The following HERC2 variants were observed in gnomAD, a reference collection of about 807,000 sequenced individuals.
HERC2 encodes the protein E3 ubiquitin-protein ligase HERC2.
A neutral mutation model predicts 537.7 loss-of-function variants in HERC2; 102 were observed. The observed-to-expected ratio is 0.19, with a 90% CI of 0.16 to 0.22. The LOEUF (loss-of-function observed/expected upper bound fraction) is 0.22. HERC2 is among the 10% of genes least tolerant of loss of function. The pLI, the probability that HERC2 is intolerant of heterozygous loss-of-function variation, is 1.00. For synonymous variants in HERC2, 2,224 were observed against 2,466.2 expected, an observed-to-expected ratio of 0.90 and a Z score of 2.91; for missense variants, 4,236 against 6,198.2, an observed-to-expected ratio of 0.68 and a Z score of 10.63.
rs138924365 is a variant in HERC2, at chr15:28,282,997, G to A, written c.323-2710C>T. Among the ~76,000 whole-genome samples, 542 of 143,228 alleles carry A rather than the reference G, an allele frequency of 3.8e-3. 5 individuals carry two copies. Among genetic ancestry groups the A allele is most frequent in the African/African-American group, 0.013 (511 of 38,232 alleles). 94.0% of individuals were successfully genotyped at this position (143,228 alleles called of 152,430 possible). A position where few individuals can be genotyped will look rare whatever the true frequency, so the allele number is the denominator to read the frequency against. ...GGGACGGGACGGGACTGGATGGGAC[G>A]GGATGGGAAGGGAAGAGAGAAAGAA... On this transcript the variant is annotated intron_variant, in intron 4 of 92. Coordinates refer to ENST00000261609, the MANE Select transcript of HERC2 (RefSeq NM_004667.6).
intron 83 of HERC2, among the ~76,000 whole-genome samples, chr15:28,126,643 C>T (rs930570681): frequency 5.9e-5 from 9 of 152,100 alleles, no homozygotes; most frequent in Non-Finnish European, 1.2e-4. Flanking sequence ...GAAAACCAAA[C>T]CATATGTTCT....
At chr15:28,316,825 G>A (rs1368981603) in intron 2 of HERC2, among the ~76,000 whole-genome samples, 8 of 152,190 alleles carry the variant, frequency 5.3e-5, no homozygotes, top group Non-Finnish European at 8.8e-5. Context: ...TCACCAGGCT[G>A]TAGTGCAGTG....
intron 23 of HERC2, among the ~76,000 whole-genome samples, chr15:28,245,606 G>GATATATAT: frequency 7.7e-6 from 1 of 129,064 alleles, no homozygotes; most frequent in Admixed American, 8.2e-5. Context: ...CACACACACA[G>GATATATAT]ATATATATAT....
chr15:28,225,567 G>A (rs1305357363), intron 35 of HERC2, among the ~76,000 whole-genome samples: 6 of 151,400 alleles, frequency 4.0e-5, no homozygotes, highest in Admixed American at 2.0e-4. Context: ...GCGTGGTGGC[G>A]CGTGCCTGTA....
At chr15:28,203,825 C>T (rs983827631) in intron 45 of HERC2, 1 of 151,880 alleles carries the variant, frequency 6.6e-6, no homozygotes, top group Admixed American at 6.6e-5. Flanking sequence ...CACTGAAGAG[C>T]CTGCGCTCGG....
chr15:28,117,869 C>T (rs368331622), intron 86 of HERC2: 6 of 307,628 alleles, frequency 2.0e-5, no homozygotes, highest in Middle Eastern at 1.1e-3. Flanking sequence ...CTCGGCACAT[C>T]GGAGGGCAGG....
Position 28,256,093 on chromosome 15 carries a change from G to A in HERC2, c.2742C>T (p.Cys914=), listed in dbSNP as rs760094386. ...RARALSALLP[C]AVSGNEVNIS... is the part of the protein sequence containing the mutation. ...CTGTTCCTTCCCCAGGCCCACCTGC[G>A]CAGGGCAGGAGAGCAGAGAGTGCCC... The change falls in exon 18 of 93, where the codon TGC becomes TGT. Residue 914 remains cysteine (C), a synonymous_variant. Transcript: ENST00000261609. The A allele has an allele frequency of 2.6e-4, 421 of 1,603,292 alleles. No homozygotes were observed. The highest frequency in any genetic ancestry group is 3.2e-4 in the Non-Finnish European group (375 of 1,179,068).
At chr15:28,233,372 A>C in intron 29 of HERC2, 31 bp from the exon 30 acceptor site, 2 of 1,286,978 alleles carry the variant, frequency 1.6e-6, no homozygotes, top group Non-Finnish European at 2.2e-6. Context: ...AGACAACTTT[A>C]ACAACAAATA....
chr15:28,283,390 T>G (rs1363385865), intron 4 of HERC2, among the ~76,000 whole-genome samples: 1 of 152,192 alleles, frequency 6.6e-6, no homozygotes, highest in Non-Finnish European at 1.5e-5. Context: ...GGAGCCCAGC[T>G]GAAAGTACAA....
At chr15:28,293,245 G>T (rs888883348) in intron 3 of HERC2, among the ~76,000 whole-genome samples, 1 of 152,152 alleles carries the variant, frequency 6.6e-6, no homozygotes, top group East Asian at 1.9e-4. Flanking sequence ...TGTAATCCCA[G>T]CACTTTGGGA....
chr15:28,206,885 C>T (rs1898530106), intron 44 of HERC2, among the ~76,000 whole-genome samples: 1 of 149,912 alleles, frequency 6.7e-6, no homozygotes, highest in African/African-American at 2.5e-5. Flanking sequence ...GTGGTGCGTG[C>T]CTGTAATCCC....
chr15:28,175,262 C>A (rs1895154028), intron 64 of HERC2, among the ~76,000 whole-genome samples: 1 of 152,052 alleles, frequency 6.6e-6, no homozygotes, highest in Non-Finnish European at 1.5e-5. Flanking sequence ...AGTCTTTCCA[C>A]ACACTTTTCA....
At position 28,229,024 on chromosome 15, in the gene HERC2, T is replaced by C. The variant is rs181032968; in HGVS notation, c.5272+171A>G. 2.3e-4 allele frequency among the ~76,000 whole-genome samples: 35 copies of C among 152,330 alleles called. 1 individual carries two copies. The highest frequency in any genetic ancestry group is 7.9e-4 in the African/African-American group (33 of 41,576). On this transcript the variant is annotated intron_variant, in intron 34 of 92. Coordinates refer to ENST00000261609, the MANE Select transcript of HERC2 (RefSeq NM_004667.6). ...TCAACATTGTGTCTCCTGCTAAATT[T>C]TGAAGTTTTGTTTAAAATCTGAGAA...
chr15:28,251,660 C>T (rs2075087712), intron 20 of HERC2, among the ~76,000 whole-genome samples: 1 of 150,834 alleles, frequency 6.6e-6, no homozygotes, highest in South Asian at 2.1e-4. Context: ...ATCAGCAAGG[C>T]GTGGTGGTGT....
chr15:28,291,389 G>A (rs925338856), intron 4 of HERC2, among the ~76,000 whole-genome samples: 52 of 151,848 alleles, frequency 3.4e-4, no homozygotes, highest in African/African-American at 1.2e-3. Flanking sequence ...CATGGCAGGC[G>A]TCACAAATTA....
In HERC2 at chr15:28,163,162, G is replaced by A. The variant is rs748407226; in HGVS notation, c.10678C>T (p.Arg3560Trp). ...VDLLKLSVCSRAGDRGRDVLS... is the reference protein window; with the variant it reads ...VDLLKLSVCSWAGDRGRDVLS... ...ACATCCCTGCCCCTGTCCCCGGCCC[G>A]GCTGCACACTGACAGCTTGAGCAGG... The change falls in exon 69 of 93, where the codon CGG (arginine) becomes TGG (tryptophan). Residue 3560 changes from arginine to tryptophan, a missense_variant. Physicochemically the swap from Arg to Trp is moderately radical, Grantham distance 101. Transcript: ENST00000261609. 1.7e-5 allele frequency: 27 copies of A among 1,613,228 alleles called. 1 individual carries two copies. Among genetic ancestry groups the A allele is most frequent in the Non-Finnish European group, 1.7e-5 (20 of 1,180,018 alleles).
At chr15:28,191,785 A>G (rs1027903197) in intron 53 of HERC2, among the ~76,000 whole-genome samples, 176 bp downstream of exon 53, 5 of 152,226 alleles carry the variant, frequency 3.3e-5, no homozygotes, top group Non-Finnish European at 4.4e-5. Flanking sequence ...CTCTGACAAT[A>G]AAATTGGATG....
At chr15:28,289,079 C>T (rs887406724) in intron 4 of HERC2, among the ~76,000 whole-genome samples, 2 of 151,526 alleles carry the variant, frequency 1.3e-5, no homozygotes, top group African/African-American at 4.8e-5. Context: ...TGGACAGTGA[C>T]AAGTGAAAGA....
intron 56 of HERC2, 132 bp from the exon 57 acceptor site, chr15:28,182,644 C>T (rs1358298030): frequency 2.7e-6 from 2 of 728,536 alleles, no homozygotes; most frequent in African/African-American, 3.6e-5. Context: ...TAAAATTTTG[C>T]TTTAATAGAA....
Sources: allele counts gnomAD v4.1 joint callset (sites outside exome capture counted in the v4.1 genomes callset), GRCh38; gene constraint gnomAD v4.1.1; transcripts MANE v1.5; gene names NCBI Gene and HGNC (gene_info 2026-07-23, HGNC 2026-07-21).